The following PRKCE variants were observed in gnomAD, a reference collection of about 807,000 sequenced individuals.
The protein encoded by PRKCE is protein kinase C epsilon, also known as protein kinase C epsilon type.
Under a neutral mutation model 85.4 loss-of-function variants are expected in PRKCE, and 16 were observed. That is an observed-to-expected ratio of 0.19 (90% confidence interval 0.13 to 0.28). PRKCE has a LOEUF of 0.28. PRKCE is among the 10% of genes least tolerant of loss of function. The pLI, the probability that PRKCE is intolerant of heterozygous loss-of-function variation, is 1.00. For missense variants in PRKCE, 573 were observed against 975.2 expected (o/e 0.59, Z 5.49); for synonymous variants, 388 against 371.5 (o/e 1.04, Z -0.51).
intron 5 of PRKCE, among the ~76,000 whole-genome samples, chr2:45,981,687 G>T (rs933775558): frequency 6.6e-6 from 1 of 152,216 alleles, no homozygotes; most frequent in African/African-American, 2.4e-5. Flanking sequence ...GGAAATGAAA[G>T]AAAGAGATGG....
chr2:45,998,792 T>A (rs1236966052), intron 6 of PRKCE, among the ~76,000 whole-genome samples: 1 of 152,224 alleles, frequency 6.6e-6, no homozygotes, highest in Non-Finnish European at 1.5e-5. Flanking sequence ...ATTGAGCATT[T>A]AATATGTTCG....
At chr2:46,086,834 A>T (rs1669688769) in intron 11 of PRKCE, among the ~76,000 whole-genome samples, 1 of 152,150 alleles carries the variant, frequency 6.6e-6, no homozygotes, top group African/African-American at 2.4e-5. Context: ...GGGGTTTATG[A>T]TCTTGGGTGG....
intron 3 of PRKCE, among the ~76,000 whole-genome samples, chr2:45,976,933 G>A (rs1389547423): frequency 3.3e-5 from 5 of 150,302 alleles, no homozygotes; most frequent in African/African-American, 1.2e-4. Context: ...GTCTAGCTCT[G>A]TTGCCCAGGC....
intron 11 of PRKCE, among the ~76,000 whole-genome samples, chr2:46,112,141 A>G (rs1304623651): frequency 6.6e-6 from 1 of 152,154 alleles, no homozygotes; most frequent in Non-Finnish European, 1.5e-5. Context: ...TCATTATGTA[A>G]TGCCCTCTTT....
At position 45,948,320 on chromosome 2, in the gene PRKCE, A is replaced by T. The variant is rs147419252; in HGVS notation, c.413-28109A>T. On this transcript the variant is annotated intron_variant, in intron 2 of 14. Transcript: ENST00000306156. ...GCAAGAATGATTTAGTGACAACCTA[A>T]TAAACCATAGTTAGCAAATATAAAA... Among the ~76,000 whole-genome samples the T allele has an allele frequency of 8.5e-4, 130 of 152,354 alleles. 2 individuals carry two copies. In the East Asian group the frequency reaches 0.022, roughly 26 times the overall value.
At chr2:46,149,362 T>G (rs540297739) in intron 12 of PRKCE, among the ~76,000 whole-genome samples, 2 of 152,232 alleles carry the variant, frequency 1.3e-5, no homozygotes, top group South Asian at 4.1e-4. Flanking sequence ...ACTCCAACCT[T>G]GTTTCTCCTT....
chr2:45,757,305 C>CAAA (rs35603923), intron 1 of PRKCE, among the ~76,000 whole-genome samples: 4 of 50,810 alleles, frequency 7.9e-5, no homozygotes, highest in Non-Finnish European at 1.4e-4. Flanking sequence ...AGACTGTCTC[C>CAAA]AAAAAAAAAA....
At position 46,186,028 on chromosome 2, in the gene PRKCE, G is replaced by T. The variant is rs569146835; in HGVS notation, c.*1147G>T. The T allele has an allele frequency of 2.6e-5, 4 of 152,750 alleles. No homozygotes were observed. The highest frequency in any genetic ancestry group is 9.6e-5 in the African/African-American group (4 of 41,568). 9.5% of individuals were successfully genotyped at this position (152,750 alleles called of 1,614,324 possible). ...AGGCTAAACATGGGTTATACAAAGG[G>T]TATCTGGAAACTGAAGAGCAACTTG... is the stretch of plus-strand genomic sequence containing the variant. On this transcript the variant is annotated 3_prime_UTR_variant, in exon 15 of 15. Transcript: ENST00000306156.
intron 14 of PRKCE, chr2:46,167,663 C>G (rs1433996231): frequency 6.6e-6 from 1 of 152,192 alleles, no homozygotes; most frequent in Non-Finnish European, 1.5e-5. Flanking sequence ...GAGGGTGACT[C>G]ACCCCAGGTG....
chr2:45,986,742 G>C (rs771985224), intron 6 of PRKCE, among the ~76,000 whole-genome samples: 1 of 152,168 alleles, frequency 6.6e-6, no homozygotes, highest in South Asian at 2.1e-4. Flanking sequence ...ACATGAGGAG[G>C]TGCTGACTGT....
At chr2:46,153,781 C>CTTTTTTT (rs70937993) in intron 13 of PRKCE, among the ~76,000 whole-genome samples, 4 of 75,962 alleles carry the variant, frequency 5.3e-5, no homozygotes, top group African/African-American at 1.4e-4. Context: ...TCTTCTTCTT[C>CTTTTTTT]TTTTTTTTTT....
At chr2:45,765,819 G>A (rs546638669) in intron 1 of PRKCE, among the ~76,000 whole-genome samples, 1 of 152,296 alleles carries the variant, frequency 6.6e-6, no homozygotes, top group East Asian at 1.9e-4. Flanking sequence ...TTAGAATACA[G>A]AGAATTAATG....
intron 1 of PRKCE, among the ~76,000 whole-genome samples, chr2:45,798,999 C>G (rs56377286): frequency 0.049 from 7,489 of 151,956 alleles, 633 homozygotes; most frequent in African/African-American, 0.17. Flanking sequence ...AACCCCGTCT[C>G]TACTAAAAAT....
chr2:45,844,110 T>G (rs1037306129), intron 2 of PRKCE, among the ~76,000 whole-genome samples: 9 of 152,218 alleles, frequency 5.9e-5, no homozygotes, highest in Non-Finnish European at 1.3e-4. Context: ...GATTACATAT[T>G]CAGTTAGTCA....
chr2:45,817,812 T>G (rs75522813), intron 1 of PRKCE, among the ~76,000 whole-genome samples: 2,941 of 152,300 alleles, frequency 0.019, 49 homozygotes, highest in Middle Eastern at 0.051. Flanking sequence ...GGGAGTGGAA[T>G]CCTGCCTTTT....
intron 1 of PRKCE, among the ~76,000 whole-genome samples, chr2:45,754,591 A>G (rs1041773231): frequency 2.6e-5 from 4 of 152,212 alleles, no homozygotes; most frequent in Admixed American, 6.5e-5. Context: ...GCCTGGTTTC[A>G]TGCCAGAAGT....
intron 14 of PRKCE, among the ~76,000 whole-genome samples, chr2:46,169,143 T>C (rs903955256): frequency 5.3e-5 from 8 of 152,034 alleles, no homozygotes; most frequent in African/African-American, 7.3e-5. Context: ...GGACCTTTGA[T>C]CTCCAGAGGC....
intron 11 of PRKCE, among the ~76,000 whole-genome samples, chr2:46,113,747 T>C (rs1233068475): frequency 6.6e-6 from 1 of 152,104 alleles, no homozygotes; most frequent in African/African-American, 2.4e-5. Context: ...GGGTAGCTTT[T>C]AGGCAAAAAG....
intron 1 of PRKCE, among the ~76,000 whole-genome samples, chr2:45,742,541 A>G (rs897743957): frequency 6.6e-6 from 1 of 152,216 alleles, no homozygotes; most frequent in African/African-American, 2.4e-5. Flanking sequence ...ACTAATCATC[A>G]GAGAAATGCA....
Sources: gnomAD v4.1 joint callset for allele counts (sites outside exome capture counted in the v4.1 genomes callset) on GRCh38, gnomAD v4.1.1 for gene constraint, MANE v1.5 for transcripts, NCBI Gene and HGNC (gene_info 2026-07-23, HGNC 2026-07-21) for gene names.